Variants in FRMPD3 observed in about 807,000 individuals in gnomAD.
FRMPD3 encodes FERM and PDZ domain containing 3.
In FRMPD3, 42 loss-of-function variants were observed where a neutral mutation model predicts 97.9. That is an observed-to-expected ratio of 0.43 (90% confidence interval 0.34 to 0.55). FRMPD3 has a LOEUF of 0.55. Ranked by LOEUF, FRMPD3 falls within the 20% of genes least tolerant of loss-of-function variation. The pLI is 0.03. For missense variants in FRMPD3, 1,303 were observed against 1,457.7 expected (o/e 0.89, Z 1.73); for synonymous variants, 577 against 581.1 (o/e 0.99, Z 0.10).
intron 2 of FRMPD3, among the ~76,000 whole-genome samples, chrX:107,528,405 C>T (rs1048218829): frequency 9.0e-6 from 1 of 111,253 alleles, no homozygotes; most frequent in African/African-American, 3.3e-5. Context: ...TCCATGAGGA[C>T]CTCTTCTGTT....
At chrX:107,551,603 A>G (rs997870505) in intron 6 of FRMPD3, among the ~76,000 whole-genome samples, 2 of 111,073 alleles carry the variant, frequency 1.8e-5, no homozygotes, top group African/African-American at 6.5e-5. Flanking sequence ...TCTCAATCTG[A>G]CTCCAGGAAG....
chrX:107,477,155 T>A (rs1414612152), intron 1 of FRMPD3, among the ~76,000 whole-genome samples: 1 of 112,832 alleles, frequency 8.9e-6, no homozygotes, highest in Non-Finnish European at 1.9e-5. Context: ...AGCATATATG[T>A]CTCTTCTTAA....
rs1015768032 is a variant in FRMPD3 at position 107,507,015 on chromosome X, G to A, written c.-7-19567G>A. Reference sequence around the variant, plus strand: ...GGCCCGGAGGGGGGCCCGACGGTAAGTACTGCGCTCTGAGCAGCCGGGTTG... The same window carrying A: ...GGCCCGGAGGGGGGCCCGACGGTAAATACTGCGCTCTGAGCAGCCGGGTTG... On this transcript the variant is annotated intron_variant, in intron 1 of 14. Coordinates refer to ENST00000683843, the MANE Select transcript of FRMPD3 (RefSeq NM_001388459.1). 2.7e-5 allele frequency among the ~76,000 whole-genome samples: 3 copies of A among 110,941 alleles called. No individual in the cohort carries two copies. The Admixed American group carries it at 2.8e-4, about 10-fold the overall frequency.
At chrX:107,510,404 C>G (rs752271473) in intron 1 of FRMPD3, among the ~76,000 whole-genome samples, 8 of 111,055 alleles carry the variant, frequency 7.2e-5, no homozygotes, top group South Asian at 3.9e-4. Context: ...ATCTTCTTCC[C>G]CACCCACTCC....
intron 1 of FRMPD3, among the ~76,000 whole-genome samples, chrX:107,498,104 T>C (rs961631788): frequency 1.8e-5 from 2 of 112,636 alleles, no homozygotes; most frequent in Non-Finnish European, 3.7e-5. Flanking sequence ...CATTAGCTCT[T>C]TCTGAAACAG....
intron 13 of FRMPD3, among the ~76,000 whole-genome samples, chrX:107,591,242 C>G (rs1218972808): frequency 2.8e-5 from 3 of 108,702 alleles, no homozygotes; most frequent in Non-Finnish European, 3.8e-5. Context: ...ACTGCAACCT[C>G]CACCTCCCGG....
chrX:107,480,045 A>AG (rs2147516927), intron 1 of FRMPD3, among the ~76,000 whole-genome samples: 1 of 110,590 alleles, frequency 9.0e-6, no homozygotes, highest in East Asian at 2.8e-4. Context: ...TTAAAAAAAA[A>AG]AAAAAAACCA....
intron 8 of FRMPD3, 136 bp downstream of exon 8, chrX:107,554,640 T>A: frequency 1.2e-6 from 1 of 866,367 alleles, no homozygotes; most frequent in Non-Finnish European, 1.6e-6. Flanking sequence ...CTTCCTTTTC[T>A]GCTACCATCG....
intron 1 of FRMPD3, among the ~76,000 whole-genome samples, chrX:107,472,030 T>A (rs1921075945): frequency 2.7e-5 from 3 of 112,475 alleles, no homozygotes; most frequent in Admixed American, 1.9e-4. Flanking sequence ...GTGGTTTTGA[T>A]TTGCATTTCT....
intron 1 of FRMPD3, among the ~76,000 whole-genome samples, chrX:107,517,883 T>C (rs920875055): frequency 3.0e-5 from 3 of 101,220 alleles, no homozygotes; most frequent in South Asian, 4.6e-4. Flanking sequence ...CCAGACAGAA[T>C]TGAGAGCATA....
intron 13 of FRMPD3, among the ~76,000 whole-genome samples, chrX:107,593,787 G>A (rs780405034): frequency 8.9e-6 from 1 of 112,015 alleles, no homozygotes; most frequent in East Asian, 2.8e-4. Context: ...ATGCCTCGTA[G>A]TATAGTTTGA....
intron 4 of FRMPD3, among the ~76,000 whole-genome samples, chrX:107,534,212 A>G (rs1266496596): frequency 8.9e-6 from 1 of 112,053 alleles, no homozygotes; most frequent in Non-Finnish European, 1.9e-5. Flanking sequence ...CAAGAGTTGG[A>G]TTTAGAAAGT....
chrX:107,454,605 C>T (rs1412507047), intron 1 of FRMPD3, among the ~76,000 whole-genome samples: 1 of 111,569 alleles, frequency 9.0e-6, no homozygotes, highest in Non-Finnish European at 1.9e-5. Context: ...TAGTCTCTTT[C>T]CTTTCCAGTC....
rs1310862135 is a variant in FRMPD3, at chrX:107,600,880, A to G, written c.2841A>G (p.Pro947=). 1.7e-6 allele frequency: 2 copies of G among 1,209,961 alleles called. No individual in the cohort carries two copies. Among genetic ancestry groups the G allele is most frequent in the East Asian group, 3.0e-5 (1 of 33,782 alleles). Reference sequence around the variant, plus strand: ...TGAGCCCCAAGCTTATCCTCGACCCAAAGAGCAGTGTGACCCCTGCCATCA... The same window carrying G: ...TGAGCCCCAAGCTTATCCTCGACCCGAAGAGCAGTGTGACCCCTGCCATCA... The part of the protein sequence containing the change: ...VRLSPKLILD[P]KSSVTPAIIS... Residue 947 remains proline, a synonymous_variant, in exon 15 of 15, where the codon CCA becomes CCG. Coordinates refer to ENST00000683843, the MANE Select transcript of FRMPD3 (RefSeq NM_001388459.1).
In FRMPD3 at chrX:107,601,951, C is replaced by G. The variant is rs190160063; in HGVS notation, c.3912C>G (p.Ile1304Met). The stretch of plus-strand genomic sequence containing the variant: ...GGCGCAGCTGTGACTGCAAGCGCAT[C>G]TGCCGGGGGGGCCGGCCACAAGCCA... The part of the protein sequence containing the change: ...EQRRSCDCKR[I>M]CRGGRPQATQ... Residue 1304 changes from isoleucine (I) to methionine (M), a missense_variant, in exon 15 of 15, where the codon ATC (isoleucine) becomes ATG (methionine). Physicochemically the swap from Ile to Met is conservative, Grantham distance 10. This residue lies in a region of FRMPD3 where 764 missense variants were observed against 820.2 expected (regional missense o/e 0.93). Coordinates refer to ENST00000683843, the MANE Select transcript of FRMPD3 (RefSeq NM_001388459.1). 1 of 1,172,631 alleles carries G rather than the reference C, an allele frequency of 8.5e-7. No individual in the cohort carries two copies. Among genetic ancestry groups the G allele is most frequent in the Admixed American group, 2.5e-5 (1 of 40,426 alleles).
intron 1 of FRMPD3, among the ~76,000 whole-genome samples, chrX:107,524,342 T>C (rs915105395): frequency 1.8e-5 from 2 of 112,212 alleles, no homozygotes; most frequent in African/African-American, 6.5e-5. Context: ...AGTGACTTTC[T>C]ATTGAAAAGT....
In FRMPD3 at chrX:107,560,388, T is replaced by C; in HGVS notation, c.894T>C (p.Asn298=). Residue 298 remains asparagine, a synonymous_variant, in exon 9 of 15, where the codon AAT becomes AAC. Coordinates refer to ENST00000683843, the MANE Select transcript of FRMPD3 (RefSeq NM_001388459.1). ...TRPSQKISLK[N]VEKEWGLEPF... is the part of the protein sequence containing the mutation. ...CTAGTCAGAAGATCTCGCTCAAGAA[T>C]GTGGAGTGAGTTGTGCTGCGGCCCG... 8.3e-7 allele frequency: 1 copy of C among 1,209,310 alleles called. No individual in the cohort carries two copies. The highest frequency in any genetic ancestry group is 1.1e-6 in the Non-Finnish European group (1 of 894,986).
At chrX:107,465,859 A>G (rs1402830409) in intron 1 of FRMPD3, among the ~76,000 whole-genome samples, 1 of 110,669 alleles carries the variant, frequency 9.0e-6, no homozygotes, top group African/African-American at 3.3e-5. Flanking sequence ...CTGGTCCTTT[A>G]AGCTGCTCTA....
At chrX:107,514,980 G>A (rs754700290) in intron 1 of FRMPD3, among the ~76,000 whole-genome samples, 1 of 111,851 alleles carries the variant, frequency 8.9e-6, no homozygotes, top group Non-Finnish European at 1.9e-5. Flanking sequence ...GCTGAGATGA[G>A]GAAGGCTGAG....
Sources: allele counts gnomAD v4.1 joint callset (sites outside exome capture counted in the v4.1 genomes callset), GRCh38; gene constraint gnomAD v4.1.1; regional missense constraint gnomAD v4.1.1; transcripts MANE v1.5; gene names NCBI Gene and HGNC (gene_info 2026-07-23, HGNC 2026-07-21).